Variants in SOX6 observed in about 807,000 individuals in gnomAD.
SOX6 encodes SRY-box transcription factor 6.
Under a neutral mutation model 97.8 loss-of-function variants are expected in SOX6, and 11 were observed. The observed-to-expected ratio is 0.11, with a 90% confidence interval of 0.07 to 0.19. The LOEUF (loss-of-function observed/expected upper bound fraction) is 0.19, where lower values mean the gene tolerates loss of function less well. Ranked by LOEUF, SOX6 falls within the 10% of genes least tolerant of loss-of-function variation. The probability of loss-of-function intolerance (pLI) is 1.00; values close to 1 mark genes in which losing one functional copy is unlikely to be tolerated. For missense variants in SOX6, 810 were observed against 1,039.5 expected, an observed-to-expected ratio of 0.78 and a Z score of 3.04; for synonymous variants, 360 against 371.4, an observed-to-expected ratio of 0.97 and a Z score of 0.35.
At chr11:16,417,145 A>T (rs560737873) in intron 1 of SOX6, among the ~76,000 whole-genome samples, 15 of 152,260 alleles carry the variant, frequency 9.9e-5, no homozygotes, top group African/African-American at 3.6e-4. Context: ...TGCTTTTTTT[A>T]AAAATTCATA....
At chr11:16,640,315 T>C (rs1489135151) in intron 3 of SOX6, among the ~76,000 whole-genome samples, 1 of 152,238 alleles carries the variant, frequency 6.6e-6, no homozygotes, top group African/African-American at 2.4e-5. Flanking sequence ...GGTTTGCCAG[T>C]ATTTTACTGA....
At chr11:16,321,425 T>A (rs1014205585) in intron 2 of SOX6, among the ~76,000 whole-genome samples, 11 of 152,134 alleles carry the variant, frequency 7.2e-5, no homozygotes, top group South Asian at 4.1e-4. Context: ...AGAGAGGCTC[T>A]CCAGCCTAGT....
chr11:16,163,487 A>C (rs1252217436), intron 6 of SOX6, among the ~76,000 whole-genome samples: 1 of 152,232 alleles, frequency 6.6e-6, no homozygotes, highest in Non-Finnish European at 1.5e-5. Flanking sequence ...ACTTTTTAGA[A>C]GGTTAGGTAG....
At chr11:16,633,591 C>T (rs2133997575) in intron 3 of SOX6, among the ~76,000 whole-genome samples, 1 of 152,264 alleles carries the variant, frequency 6.6e-6, no homozygotes, top group South Asian at 2.1e-4. Context: ...TTGAAGGCAG[C>T]CACAGACCCA....
chr11:16,547,289 C>G (rs966225408), intron 4 of SOX6, among the ~76,000 whole-genome samples: 2 of 152,074 alleles, frequency 1.3e-5, no homozygotes, highest in South Asian at 2.1e-4. Context: ...AGGAAATCAG[C>G]ATGTCAAAGG....
At chr11:16,269,464 G>T in intron 3 of SOX6, among the ~76,000 whole-genome samples, 1 of 149,198 alleles carries the variant, frequency 6.7e-6, no homozygotes, top group South Asian at 2.1e-4. Flanking sequence ...AAAAACTTCG[G>T]GGAATGTGTT....
At chr11:16,497,070 T>C (rs1452078750) in intron 4 of SOX6, among the ~76,000 whole-genome samples, 1 of 152,066 alleles carries the variant, frequency 6.6e-6, no homozygotes, top group African/African-American at 2.4e-5. Flanking sequence ...GCACCCCCAG[T>C]AGGGGCAGAC....
chr11:16,419,912 T>C (rs558350223), intron 1 of SOX6, among the ~76,000 whole-genome samples: 1 of 152,274 alleles, frequency 6.6e-6, no homozygotes, highest in East Asian at 1.9e-4. Context: ...TCTTTGACTT[T>C]AAGAACATCC....
chr11:16,090,346 C>T (rs978702839), intron 9 of SOX6, among the ~76,000 whole-genome samples: 1 of 152,158 alleles, frequency 6.6e-6, no homozygotes, highest in South Asian at 2.1e-4. Flanking sequence ...TCAGGTATTA[C>T]TTTAAAACCA....
At chr11:16,352,250 T>TGATGGATGGATGGATG (rs3030887) in intron 1 of SOX6, among the ~76,000 whole-genome samples, 7 of 147,390 alleles carry the variant, frequency 4.7e-5, no homozygotes, top group Non-Finnish European at 3.0e-5. Context: ...AATGGGCAGA[T>TGATGGATGGATGGATG]GATGGATGGA....
intron 1 of SOX6, among the ~76,000 whole-genome samples, chr11:16,347,895 C>T (rs545541319): frequency 3.3e-5 from 5 of 152,086 alleles, no homozygotes; most frequent in Middle Eastern, 3.4e-3. Flanking sequence ...AGAAACTAAT[C>T]TCTGAGGTCC....
intron 4 of SOX6, among the ~76,000 whole-genome samples, chr11:16,505,139 A>C (rs917760057): frequency 6.6e-6 from 1 of 152,222 alleles, no homozygotes; most frequent in African/African-American, 2.4e-5. Context: ...AGGTAGAAAG[A>C]TGAGGGAACA....
intron 1 of SOX6, among the ~76,000 whole-genome samples, chr11:16,466,646 T>G (rs995715683): frequency 6.7e-6 from 1 of 149,788 alleles, no homozygotes; most frequent in Non-Finnish European, 1.5e-5. Flanking sequence ...AACAAACAAC[T>G]CCGGCCGGGC....
At chr11:16,637,953 T>C (rs920724292) in intron 3 of SOX6, among the ~76,000 whole-genome samples, 1 of 151,904 alleles carries the variant, frequency 6.6e-6, no homozygotes, top group Non-Finnish European at 1.5e-5. Context: ...AGGGTACATG[T>C]GCACAATGTG....
At chr11:16,095,667 T>A (rs1037246289) in intron 9 of SOX6, among the ~76,000 whole-genome samples, 1 of 151,774 alleles carries the variant, frequency 6.6e-6, no homozygotes, top group African/African-American at 2.4e-5. Flanking sequence ...AAGTATTTTT[T>A]AAAAAATACT....
At chr11:16,242,478 A>G (rs2134187106) in intron 3 of SOX6, among the ~76,000 whole-genome samples, 2 of 152,022 alleles carry the variant, frequency 1.3e-5, no homozygotes, top group South Asian at 4.1e-4. Context: ...GTGCTTTGAA[A>G]CAAACTTCTT....
rs751943545 is a variant in SOX6, at chr11:15,989,227, C to T, written c.1736G>A (p.Ser579Asn). The change falls in exon 14 of 16, where the codon AGT becomes AAT. Residue 579 changes from serine (S) to asparagine (N), a missense_variant. By Grantham distance (46) the Ser-to-Asn change is conservative. Coordinates refer to ENST00000683767, the MANE Select transcript of SOX6 (RefSeq NM_001367873.1). ...DLTRPEDAEG[S>N]KAMNGSAAKL... Reference sequence around the variant, plus strand: ...AGCTGCAGAGCCATTCATTGCTTTACTTCCTGTAATGTCAGGGCAGGAAGA... The same window carrying T: ...AGCTGCAGAGCCATTCATTGCTTTATTTCCTGTAATGTCAGGGCAGGAAGA... 35 of 1,598,142 alleles carry T rather than the reference C, an allele frequency of 2.2e-5. No individual in the cohort carries two copies. The Admixed American group carries it at 3.4e-4, about 15-fold the overall frequency.
At chr11:16,448,028 AGATGTAATTTGAGG>A (rs1859647144) in intron 1 of SOX6, among the ~76,000 whole-genome samples, 1 of 152,212 alleles carries the variant, frequency 6.6e-6, no homozygotes, top group Non-Finnish European at 1.5e-5. Context: ...GCAACAGCAC[AGATGTAATTTGAGG>A]GATTTTCTAT....
At chr11:16,189,968 A>G (rs1019859377) in intron 4 of SOX6, among the ~76,000 whole-genome samples, 5 of 152,146 alleles carry the variant, frequency 3.3e-5, no homozygotes, top group African/African-American at 1.2e-4. Flanking sequence ...TCCATCTTAA[A>G]CAATCTTTCA....
Sources: gnomAD v4.1 joint callset for allele counts (sites outside exome capture counted in the v4.1 genomes callset) on GRCh38, gnomAD v4.1.1 for gene constraint, MANE v1.5 for transcripts, NCBI Gene and HGNC (gene_info 2026-07-23, HGNC 2026-07-21) for gene names.